The following GALNT13 variants were observed in gnomAD, a reference collection of about 807,000 sequenced individuals.
GALNT13 encodes polypeptide N-acetylgalactosaminyltransferase 13.
Under a neutral mutation model 64.2 loss-of-function variants are expected in GALNT13, and 28 were observed. The observed-to-expected ratio is 0.44, with a 90% CI of 0.32 to 0.60. The LOEUF (loss-of-function observed/expected upper bound fraction) is 0.60. Among genes scored for constraint, GALNT13 ranks in the 20% least tolerant of loss-of-function variants. The probability of loss-of-function intolerance (pLI) is 0.05; values close to 1 mark genes in which losing one functional copy is unlikely to be tolerated. For synonymous variants in GALNT13, 214 were observed against 224.6 expected (o/e 0.95, Z 0.42); for missense variants, 577 against 669.8 (o/e 0.86, Z 1.53).
chr2:153,840,659 C>G, the GALNT13 span, among the ~76,000 whole-genome samples: 1 of 152,004 alleles, frequency 6.6e-6, no homozygotes, highest in Non-Finnish European at 1.5e-5. Flanking sequence ...TAGAAAATAC[C>G]CTGATGCTTA....
intron 8 of GALNT13, among the ~76,000 whole-genome samples, chr2:154,294,676 A>G (rs1692817255): frequency 6.6e-6 from 1 of 152,200 alleles, no homozygotes; most frequent in African/African-American, 2.4e-5. Context: ...CATTTGTTTC[A>G]TAACTCAATG....
chr2:154,126,887 G>A (rs1181723261), intron 3 of GALNT13, among the ~76,000 whole-genome samples: 1 of 151,966 alleles, frequency 6.6e-6, no homozygotes, highest in East Asian at 1.9e-4. Flanking sequence ...GAAAAAAGAG[G>A]CCAGAGTGAA....
intron 3 of GALNT13, among the ~76,000 whole-genome samples, chr2:154,124,464 A>G (rs1682139143): frequency 6.6e-6 from 1 of 152,044 alleles, no homozygotes; most frequent in Admixed American, 6.6e-5. Context: ...TATTAAGTGG[A>G]CTTCATTTCC....
the GALNT13 span, among the ~76,000 whole-genome samples, chr2:153,648,017 C>T: frequency 6.6e-6 from 1 of 152,082 alleles, no homozygotes; most frequent in Non-Finnish European, 1.5e-5. Flanking sequence ...TCATTGGTAG[C>T]TTGATGGGGA....
the GALNT13 span, among the ~76,000 whole-genome samples, chr2:153,555,536 G>C: frequency 6.6e-6 from 1 of 152,158 alleles, no homozygotes; most frequent in Admixed American, 6.5e-5. Context: ...AGTTATAAAA[G>C]CCTGGATAAG....
the GALNT13 span, among the ~76,000 whole-genome samples, chr2:153,723,659 A>C: frequency 6.6e-6 from 1 of 152,084 alleles, no homozygotes; most frequent in East Asian, 1.9e-4. Flanking sequence ...ATACACCAAC[A>C]ACAAACAAAC....
At chr2:153,122,429 G>A in the GALNT13 span, among the ~76,000 whole-genome samples, 3 of 152,156 alleles carry the variant, frequency 2.0e-5, no homozygotes, top group Non-Finnish European at 4.4e-5. Flanking sequence ...TTGAAGAAAT[G>A]GAGGTTCAGA....
At position 154,138,602 on chromosome 2, in the gene GALNT13, A is replaced by G. The variant is rs1378078658; in HGVS notation, c.143-1735A>G. Among the ~76,000 whole-genome samples, 6 of 151,046 alleles carry G rather than the reference A, an allele frequency of 4.0e-5. No homozygotes were observed. The East Asian group carries it at 1.2e-3, about 29-fold the overall frequency. On this transcript the variant is annotated intron_variant, in intron 3 of 12. Coordinates refer to ENST00000392825, the MANE Select transcript of GALNT13 (RefSeq NM_052917.4). Reference sequence around the variant, plus strand: ...AAAAAAAAAAAAACCTAAACTGAATATTTATGGTTAATAGGAGCGCCCATG... The same window carrying G: ...AAAAAAAAAAAAACCTAAACTGAATGTTTATGGTTAATAGGAGCGCCCATG...
the GALNT13 span, among the ~76,000 whole-genome samples, chr2:153,737,028 T>A: frequency 1.3e-5 from 2 of 152,220 alleles, no homozygotes; most frequent in African/African-American, 4.8e-5. Context: ...TCCAATATTC[T>A]ATGTTGTTCT....
chr2:154,123,078 A>G (rs1682047721), intron 3 of GALNT13, among the ~76,000 whole-genome samples: 2 of 152,064 alleles, frequency 1.3e-5, no homozygotes, highest in Admixed American at 1.3e-4. Context: ...ATAATTTCAT[A>G]TCTAATAAAA....
At chr2:154,311,427 T>C (rs951739783) in intron 9 of GALNT13, among the ~76,000 whole-genome samples, 2 of 151,804 alleles carry the variant, frequency 1.3e-5, no homozygotes, top group Non-Finnish European at 2.9e-5. Context: ...ACCAGCAAGT[T>C]TTTATTAGGG....
the GALNT13 span, among the ~76,000 whole-genome samples, chr2:153,400,239 G>A: frequency 1.8e-4 from 27 of 151,590 alleles, no homozygotes; most frequent in South Asian, 8.4e-4. Flanking sequence ...ATTGATTTGC[G>A]TATATTGAAC....
chr2:154,067,405 A>G (rs1312562470), intron 3 of GALNT13, among the ~76,000 whole-genome samples: 3 of 152,104 alleles, frequency 2.0e-5, no homozygotes. Context: ...GACTTCACCT[A>G]TAAAGACACA....
chr2:154,343,093 AT>A (rs2105230104), intron 9 of GALNT13, among the ~76,000 whole-genome samples: 1 of 152,086 alleles, frequency 6.6e-6, no homozygotes, highest in African/African-American at 2.4e-5. Flanking sequence ...TGGGTTTTAC[AT>A]CTGGGATCTC....
At chr2:154,198,253 A>T (rs1417573980) in intron 4 of GALNT13, among the ~76,000 whole-genome samples, 1 of 152,082 alleles carries the variant, frequency 6.6e-6, no homozygotes, top group Non-Finnish European at 1.5e-5. Context: ...AGACGGTGAG[A>T]TGGGGTGAGA....
chr2:153,729,501 T>C, the GALNT13 span, among the ~76,000 whole-genome samples: 1 of 152,090 alleles, frequency 6.6e-6, no homozygotes, highest in Non-Finnish European at 1.5e-5. Flanking sequence ...CTGTGTTTTT[T>C]AATAAAAGCT....
chr2:153,805,301 T>C, the GALNT13 span, among the ~76,000 whole-genome samples: 1 of 152,006 alleles, frequency 6.6e-6, no homozygotes, highest in African/African-American at 2.4e-5. Flanking sequence ...TATATTTTCA[T>C]CAAAAATTTT....
intron 4 of GALNT13, among the ~76,000 whole-genome samples, chr2:154,181,923 T>C (rs1183111404): frequency 6.6e-6 from 1 of 152,112 alleles, no homozygotes; most frequent in Non-Finnish European, 1.5e-5. Flanking sequence ...TTTATGTTTA[T>C]ATGTTATTGG....
chr2:153,836,010 T>C, the GALNT13 span, among the ~76,000 whole-genome samples: 2 of 152,076 alleles, frequency 1.3e-5, no homozygotes, highest in Non-Finnish European at 2.9e-5. Context: ...CTAATATGAA[T>C]TTATCTTGTC....
Sources: allele counts gnomAD v4.1 joint callset (sites outside exome capture counted in the v4.1 genomes callset), GRCh38; gene constraint gnomAD v4.1.1; transcripts MANE v1.5; gene names NCBI Gene and HGNC (gene_info 2026-07-23, HGNC 2026-07-21).